Variants in ST6GALNAC1 observed in about 807,000 individuals in gnomAD.
The protein encoded by ST6GALNAC1 is alpha-N-acetylgalactosaminide alpha-2,6-sialyltransferase 1.
In ST6GALNAC1, 45 loss-of-function variants were observed where a neutral mutation model predicts 56.8. The observed-to-expected ratio is 0.79, with a 90% CI of 0.62 to 1.02. ST6GALNAC1 has a LOEUF of 1.02. ST6GALNAC1 is among the 50% of genes least tolerant of loss of function. ST6GALNAC1 has a pLI of 0.00. For synonymous variants in ST6GALNAC1, 295 were observed against 297.8 expected (o/e 0.99, Z 0.10); for missense variants, 743 against 754.8 (o/e 0.98, Z 0.18).
chr17:76,638,260 G>A (rs2076003169), intron 1 of ST6GALNAC1, among the ~76,000 whole-genome samples: 1 of 152,278 alleles, frequency 6.6e-6, no homozygotes, highest in East Asian at 1.9e-4. Context: ...GACTATGGAA[G>A]CCAAGCAGAG....
At chr17:76,622,653 G>A (rs541048677), downstream of ST6GALNAC1, among the ~76,000 whole-genome samples, 325 of 152,276 alleles carry the variant, frequency 2.1e-3, 3 homozygotes, top group African/African-American at 7.6e-3. Flanking sequence ...GTGAGCCACC[G>A]CGCCTGGCCC....
chr17:76,626,230 G>A (rs2075795823), intron 6 of ST6GALNAC1, 59 bp downstream of exon 6: 1 of 1,583,730 alleles, frequency 6.3e-7, no homozygotes, highest in Non-Finnish European at 8.7e-7. Flanking sequence ...CAACCCTTTA[G>A]AGCCACTCAT....
At chr17:76,619,740 G>GTTTTTTTTTT in the ST6GALNAC1 span, among the ~76,000 whole-genome samples, 1 of 101,572 alleles carries the variant, frequency 9.8e-6, no homozygotes, top group African/African-American at 3.9e-5. Context: ...AATAATGTTA[G>GTTTTTTTTTT]TTTTTTTTTT....
At chr17:76,641,924 A>G (rs1166990247) in intron 1 of ST6GALNAC1, 1 of 151,874 alleles carries the variant, frequency 6.6e-6, no homozygotes, top group African/African-American at 2.4e-5. Flanking sequence ...AATATGTAGC[A>G]TGAGATACAT....
At chr17:76,634,799 G>A (rs1327037408) in intron 1 of ST6GALNAC1, among the ~76,000 whole-genome samples, 1 of 151,980 alleles carries the variant, frequency 6.6e-6, no homozygotes, top group South Asian at 2.1e-4. Flanking sequence ...CAGGAGAATC[G>A]CTTGAACTCG....
At chr17:76,622,004 GC>G (rs1366749004), downstream of ST6GALNAC1, among the ~76,000 whole-genome samples, 2 of 115,548 alleles carry the variant, frequency 1.7e-5, no homozygotes, top group African/African-American at 6.6e-5. Context: ...TTGTTATGTT[GC>G]CCAGGCTGGT....
intron 1 of ST6GALNAC1, among the ~76,000 whole-genome samples, chr17:76,641,629 T>C (rs1409483141): frequency 6.6e-6 from 1 of 152,218 alleles, no homozygotes; most frequent in Non-Finnish European, 1.5e-5. Context: ...AAAGTAAACT[T>C]GCACCTGTCA....
At chr17:76,637,584 A>C (rs973406884) in intron 1 of ST6GALNAC1, 16 of 396,740 alleles carry the variant, frequency 4.0e-5, no homozygotes, top group African/African-American at 1.9e-4. Flanking sequence ...AAAAAAACCC[A>C]AAAAAAGTCT....
intron 4 of ST6GALNAC1, 117 bp downstream of exon 4, chr17:76,626,950 C>A (rs2075808847): frequency 1.4e-6 from 2 of 1,462,112 alleles, no homozygotes; most frequent in Admixed American, 2.1e-5. Flanking sequence ...CGTGGAACAT[C>A]CTATGGGTCT....
intron 1 of ST6GALNAC1, among the ~76,000 whole-genome samples, chr17:76,631,730 C>T (rs1282480061): frequency 6.6e-6 from 1 of 152,140 alleles, no homozygotes; most frequent in Non-Finnish European, 1.5e-5. Context: ...TTCACTCTAG[C>T]AGAAGACTGT....
intron 1 of ST6GALNAC1, among the ~76,000 whole-genome samples, chr17:76,630,609 G>A (rs1193694037): frequency 1.1e-4 from 16 of 146,734 alleles, no homozygotes; most frequent in South Asian, 4.3e-4. Flanking sequence ...TTTTTGAGAC[G>A]GAGTCTGGCT....
At chr17:76,621,299 C>T (rs1367113300), downstream of ST6GALNAC1, among the ~76,000 whole-genome samples, 1 of 149,878 alleles carries the variant, frequency 6.7e-6, no homozygotes, top group Non-Finnish European at 1.5e-5. Context: ...TCTCCTGCCT[C>T]AGCCTCCCGA....
At position 76,627,023 on chromosome 17, in the gene ST6GALNAC1, G is replaced by C; in HGVS notation, c.1172+44C>G. The stretch of plus-strand genomic sequence containing the variant: ...AGGGGCTGGAGGGGGGCTGGAGGGG[G>C]CAGGAGAGGGGCTGGAGAGGGAGCT... On this transcript the variant is annotated intron_variant, in intron 4 of 8. Coordinates refer to ENST00000156626, the MANE Select transcript of ST6GALNAC1 (RefSeq NM_018414.5). This position sits in a 1 kb window ranked among gnomAD's most constrained non-coding sequence, Gnocchi z 4.4. The C allele has an allele frequency of 6.7e-7, 1 of 1,500,424 alleles. No individual in the cohort carries two copies. The allele number at this position is 1,500,424 out of a possible 1,614,324, so 92.9% of individuals were successfully genotyped here.
chr17:76,628,048 G>A (rs2075832477), intron 2 of ST6GALNAC1, among the ~76,000 whole-genome samples: 1 of 141,800 alleles, frequency 7.1e-6, no homozygotes, highest in Non-Finnish European at 1.5e-5. Context: ...AGTGAGCCGA[G>A]ATTGCGCCAC....
downstream of ST6GALNAC1, among the ~76,000 whole-genome samples, chr17:76,623,834 G>A (rs1251664070): frequency 6.6e-6 from 1 of 152,172 alleles, no homozygotes; most frequent in Non-Finnish European, 1.5e-5. Context: ...AGGCTCAGTC[G>A]TTAAGTTTAG....
chr17:76,637,227 C>G (rs1221243597), intron 1 of ST6GALNAC1, among the ~76,000 whole-genome samples: 1 of 124,522 alleles, frequency 8.0e-6, no homozygotes, highest in African/African-American at 3.1e-5. Context: ...ATGACCCTGC[C>G]AAATCCCCCT....
At position 76,627,664 on chromosome 17, in the gene ST6GALNAC1, TG is replaced by T; in HGVS notation, c.832-82del. On this transcript the variant is annotated intron_variant, in intron 2 of 8. Coordinates refer to ENST00000156626, the MANE Select transcript of ST6GALNAC1 (RefSeq NM_018414.5). This position sits in a 1 kb window ranked among gnomAD's most constrained non-coding sequence, Gnocchi z 4.4. Reference sequence around the variant, plus strand: ...GGGGCTGCACCACTGCAGCAAGGGCTGGGGCTCGCAGTTTGGAAGGCGCGGC... The same window carrying T: ...GGGGCTGCACCACTGCAGCAAGGGCTGGGCTCGCAGTTTGGAAGGCGCGGC... 7.2e-7 allele frequency: 1 copy of T among 1,396,788 alleles called. No homozygotes were observed. Among genetic ancestry groups the T allele is most frequent in the Non-Finnish European group, 9.9e-7 (1 of 1,013,140 alleles). 86.5% of individuals were successfully genotyped at this position (1,396,788 alleles called of 1,614,324 possible).
At chr17:76,623,550 C>T (rs374080234), downstream of ST6GALNAC1, among the ~76,000 whole-genome samples, 8 of 152,222 alleles carry the variant, frequency 5.3e-5, no homozygotes, top group Admixed American at 1.3e-4. Context: ...ATGTTTTCCT[C>T]ATACAGACTT....
At chr17:76,620,738 G>A (rs2075730956), downstream of ST6GALNAC1, among the ~76,000 whole-genome samples, 1 of 114,910 alleles carries the variant, frequency 8.7e-6, no homozygotes, top group South Asian at 2.8e-4. Flanking sequence ...ACCATGCCCA[G>A]CTATTTTTTT....
Sources: gnomAD v4.1 joint callset for allele counts (sites outside exome capture counted in the v4.1 genomes callset) on GRCh38, gnomAD v4.1.1 for gene constraint, Gnocchi (gnomAD v3.1) non-coding constraint, MANE v1.5 for transcripts, NCBI Gene and HGNC (gene_info 2026-07-23, HGNC 2026-07-21) for gene names.